Variants in RGL1 observed in about 807,000 individuals in gnomAD.
RGL1 encodes the protein ral guanine nucleotide dissociation stimulator-like 1.
In RGL1, 24 loss-of-function variants were observed where a neutral mutation model predicts 95.2. That is an observed-to-expected ratio of 0.25 (90% confidence interval 0.18 to 0.35). The LOEUF is 0.35. Among genes scored for constraint, RGL1 ranks in the 10% least tolerant of loss-of-function variants. RGL1 has a pLI of 1.00. For missense variants in RGL1, 715 were observed against 936.3 expected, an observed-to-expected ratio of 0.76 and a Z score of 3.08; for synonymous variants, 329 against 344.9, an observed-to-expected ratio of 0.95 and a Z score of 0.51.
chr1:183,924,397 A>G (rs1669490690), intron 17 of RGL1, among the ~76,000 whole-genome samples: 1 of 152,184 alleles, frequency 6.6e-6, no homozygotes, highest in African/African-American at 2.4e-5. Flanking sequence ...GTTCTCACTC[A>G]TAAGTGGGAG....
intron 1 of RGL1, among the ~76,000 whole-genome samples, chr1:183,654,613 G>A (rs1220377591): frequency 1.3e-5 from 2 of 152,236 alleles, no homozygotes; most frequent in Non-Finnish European, 2.9e-5. Flanking sequence ...ACAGGTTCCA[G>A]TGAGGGGAGG....
chr1:183,731,919 C>T (rs1184128534), intron 1 of RGL1, among the ~76,000 whole-genome samples: 1 of 152,142 alleles, frequency 6.6e-6, no homozygotes, highest in Non-Finnish European at 1.5e-5. Context: ...ACTCCCAGCT[C>T]AAGGGCCAAT....
At chr1:183,730,417 ACTACCTCCCCTCT>A (rs1436680117) in intron 1 of RGL1, among the ~76,000 whole-genome samples, 3 of 152,078 alleles carry the variant, frequency 2.0e-5, no homozygotes, top group African/African-American at 7.2e-5. Flanking sequence ...CACAAAACTC[ACTACCTCCCCTCT>A]CTGAGATAAT....
intron 2 of RGL1, among the ~76,000 whole-genome samples, chr1:183,834,510 A>G (rs758389140): frequency 3.9e-5 from 6 of 152,132 alleles, no homozygotes; most frequent in Admixed American, 1.3e-4. Context: ...TTTAATGTCT[A>G]TGGCATATGC....
At chr1:183,807,059 A>G (rs1661393592) in intron 2 of RGL1, among the ~76,000 whole-genome samples, 1 of 152,104 alleles carries the variant, frequency 6.6e-6, no homozygotes, top group African/African-American at 2.4e-5. Flanking sequence ...CTTTGGAAAA[A>G]TGCTGCTTCT....
In RGL1 at chr1:183,722,348, A is replaced by G. The variant is rs139501928; in HGVS notation, c.-32-19778A>G. ...ATAAGAGAGACCTGGAGGCAATAAC[A>G]TGTTGACTGACATATGTAAATGGGA... is the stretch of plus-strand genomic sequence containing the variant. On this transcript the variant is annotated intron_variant, in intron 1 of 18. Transcript: ENST00000304685. 3.6e-3 allele frequency among the ~76,000 whole-genome samples: 555 copies of G among 152,252 alleles called. 2 individuals are homozygous for G. Among genetic ancestry groups the G allele is most frequent in the South Asian group, 0.011 (55 of 4,824 alleles).
intron 16 of RGL1, among the ~76,000 whole-genome samples, chr1:183,918,336 A>T (rs1290211477): frequency 6.6e-6 from 1 of 152,076 alleles, no homozygotes; most frequent in East Asian, 1.9e-4. Flanking sequence ...GGGAGGGGCT[A>T]ATAAAGGAGC....
At chr1:183,882,745 T>C (rs1425613815) in intron 5 of RGL1, among the ~76,000 whole-genome samples, 2 of 152,092 alleles carry the variant, frequency 1.3e-5, no homozygotes, top group African/African-American at 4.8e-5. Context: ...TGGTGTAGGG[T>C]CCACTCTCGG....
chr1:183,916,688 A>G lies in RGL1; in HGVS notation c.1991A>G (p.Tyr664Cys). The change falls in exon 16 of 18, where the codon TAC becomes TGC. Residue 664 changes from tyrosine (Y) to cysteine (C), a missense_variant. By Grantham distance (194) the Tyr-to-Cys change is radical. Around this residue, in one of 3 missense-constraint regions of RGL1, gnomAD observed 330 missense variants for 429.6 expected, o/e 0.77. Transcript: ENST00000360851. ...ISVEDNNGNM[Y>C]KSIMLTSQDK... is the part of the protein sequence containing the mutation. Reference sequence around the variant, plus strand: ...GTGGAAGACAATAACGGCAACATGTACAAGAGCATCATGGTGAGGAGCAAG... The same window carrying G: ...GTGGAAGACAATAACGGCAACATGTGCAAGAGCATCATGGTGAGGAGCAAG... The G allele has an allele frequency of 6.2e-7, 1 of 1,612,804 alleles. No homozygotes were observed.
intron 2 of RGL1, among the ~76,000 whole-genome samples, chr1:183,777,767 C>A (rs986697785): frequency 6.6e-6 from 1 of 152,226 alleles, no homozygotes. Flanking sequence ...ACTCTAATTA[C>A]ATGACAAAGT....
At chr1:183,909,880 A>G (rs186073976) in intron 14 of RGL1, among the ~76,000 whole-genome samples, 16 of 152,184 alleles carry the variant, frequency 1.1e-4, no homozygotes, top group African/African-American at 3.6e-4. Context: ...TCTCAGTCTT[A>G]GTCTGAGAAA....
intron 1 of RGL1, among the ~76,000 whole-genome samples, chr1:183,732,173 G>A (rs1375675656): frequency 6.6e-6 from 1 of 152,134 alleles, no homozygotes; most frequent in Non-Finnish European, 1.5e-5. Flanking sequence ...TCTTATATTT[G>A]CATGATTGCT....
chr1:183,899,135 C>T (rs1337711361), intron 10 of RGL1, among the ~76,000 whole-genome samples: 1 of 152,190 alleles, frequency 6.6e-6, no homozygotes, highest in Non-Finnish European at 1.5e-5. Context: ...TTTAGATTTA[C>T]AGAAAAGCTG....
rs551008973 is a variant in RGL1, at chr1:183,668,935, C to CTTTTTTTTTTT, written c.-33+32438_-33+32439insTTTTTTTTTTT. Among the ~76,000 whole-genome samples the CTTTTTTTTTTT allele has an allele frequency of 1.7e-5, 2 of 115,558 alleles. 1 individual carries two copies. The allele number at this position is 115,558 out of a possible 152,430, so 75.8% of individuals were successfully genotyped here. A position where few individuals can be genotyped will look rare whatever the true frequency, so the allele number is the denominator to read the frequency against. On this transcript the variant is annotated intron_variant, in intron 1 of 18. Coordinates refer to the RGL1 transcript ENST00000304685. ...CTTTTTGCTTTTGGTATTGGACTTTCTTTTCTTTTTTTTTTTTTTTGAGAT... is the reference window on the plus strand; with the variant it reads ...CTTTTTGCTTTTGGTATTGGACTTTCTTTTTTTTTTTTTTTCTTTTTTTTTTTTTTTGAGAT...
intron 1 of RGL1, chr1:183,648,574 C>T (rs1341865546): frequency 1.9e-6 from 3 of 1,614,124 alleles, no homozygotes; most frequent in Non-Finnish European, 2.5e-6. Context: ...GTTTTTAGTT[C>T]ATAAAATGTG....
At chr1:183,730,788 G>T (rs1247728333) in intron 1 of RGL1, among the ~76,000 whole-genome samples, 1 of 152,094 alleles carries the variant, frequency 6.6e-6, no homozygotes, top group Non-Finnish European at 1.5e-5. Flanking sequence ...CAGATTTCTA[G>T]GCTGACTTAA....
intron 4 of RGL1, among the ~76,000 whole-genome samples, chr1:183,877,303 T>C (rs1168281572): frequency 6.6e-6 from 1 of 152,220 alleles, no homozygotes; most frequent in Non-Finnish European, 1.5e-5. Flanking sequence ...CTGGTTAATA[T>C]ATAAGTTAGA....
At chr1:183,652,435 T>C (rs1227170591) in intron 1 of RGL1, among the ~76,000 whole-genome samples, 3 of 152,228 alleles carry the variant, frequency 2.0e-5, no homozygotes, top group Admixed American at 6.5e-5. Context: ...GTTTTCACTT[T>C]TTCAGAGTCT....
At chr1:183,669,886 A>C (rs1034059913) in intron 1 of RGL1, among the ~76,000 whole-genome samples, 2 of 152,188 alleles carry the variant, frequency 1.3e-5, no homozygotes, top group Non-Finnish European at 2.9e-5. Flanking sequence ...TAAAATCATC[A>C]GATCTCATGA....
Sources: gnomAD v4.1 joint callset for allele counts (sites outside exome capture counted in the v4.1 genomes callset) on GRCh38, gnomAD v4.1.1 for gene constraint, gnomAD v4.1.1 regional missense constraint, MANE v1.5 for transcripts, NCBI Gene and HGNC (gene_info 2026-07-23, HGNC 2026-07-21) for gene names.